The following MEI4 variants were observed in gnomAD, a reference collection of about 807,000 sequenced individuals.
The protein encoded by MEI4 is meiotic double-stranded break formation protein 4.
Under a neutral mutation model 31.4 loss-of-function variants are expected in MEI4, and 27 were observed. That is an observed-to-expected ratio of 0.86 (90% CI 0.63 to 1.19). The LOEUF is 1.19. Among genes scored for constraint, MEI4 ranks in the 50% most tolerant of loss-of-function variants. The pLI, the probability that MEI4 is intolerant of heterozygous loss-of-function variation, is 0.00. For synonymous variants in MEI4, 122 were observed against 145.4 expected (o/e 0.84, Z 1.16); for missense variants, 329 against 398.9 (o/e 0.82, Z 1.49).
At chr6:77,740,665 A>C (rs1482623903) in intron 2 of MEI4, among the ~76,000 whole-genome samples, 1 of 152,140 alleles carries the variant, frequency 6.6e-6, no homozygotes, top group Non-Finnish European at 1.5e-5. Flanking sequence ...TATTAATGCT[A>C]GGAAATCATA....
intron 3 of MEI4, among the ~76,000 whole-genome samples, chr6:77,792,128 C>CT (rs768993345): frequency 1.3e-5 from 2 of 151,986 alleles, no homozygotes; most frequent in African/African-American, 4.8e-5. Flanking sequence ...GGATTTTGTT[C>CT]TTTTTTAAAG....
intron 2 of MEI4, among the ~76,000 whole-genome samples, chr6:77,731,576 G>A (rs1766993544): frequency 6.6e-6 from 1 of 151,086 alleles, no homozygotes; most frequent in Non-Finnish European, 1.5e-5. Context: ...CATTTTGTAG[G>A]TTGCCTGTTC....
chr6:77,761,871 C>G (rs1256679245), intron 3 of MEI4, among the ~76,000 whole-genome samples: 1 of 152,134 alleles, frequency 6.6e-6, no homozygotes, highest in Admixed American at 6.6e-5. Flanking sequence ...TGCATAGATG[C>G]CTTTGCTTCA....
intron 4 of MEI4, among the ~76,000 whole-genome samples, chr6:77,839,312 G>A (rs1770300550): frequency 6.6e-6 from 1 of 152,106 alleles, no homozygotes; most frequent in South Asian, 2.1e-4. Context: ...AGAAAAAGTA[G>A]GTAAAGAGAC....
At chr6:77,840,753 A>T (rs114043542) in intron 4 of MEI4, among the ~76,000 whole-genome samples, 1 of 152,082 alleles carries the variant, frequency 6.6e-6, no homozygotes. Flanking sequence ...TTACCCATCT[A>T]TTTCTTTTTA....
At chr6:77,703,893 A>G (rs1766275418) in intron 2 of MEI4, among the ~76,000 whole-genome samples, 1 of 152,162 alleles carries the variant, frequency 6.6e-6, no homozygotes, top group African/African-American at 2.4e-5. Flanking sequence ...TCCGAGAACC[A>G]CTATTTGACT....
intron 4 of MEI4, among the ~76,000 whole-genome samples, chr6:77,867,254 T>C (rs111749949): frequency 4.9e-4 from 74 of 152,232 alleles, no homozygotes; most frequent in African/African-American, 1.4e-3. Flanking sequence ...AGCTTCTGCA[T>C]AGCAAAAGAA....
chr6:77,803,920 G>C (rs1378408597), intron 3 of MEI4, among the ~76,000 whole-genome samples: 1 of 152,166 alleles, frequency 6.6e-6, no homozygotes, highest in African/African-American at 2.4e-5. Context: ...TCAGGGGTCA[G>C]GGACCCACTT....
At chr6:77,850,855 C>T (rs1582213846) in intron 4 of MEI4, among the ~76,000 whole-genome samples, 1 of 152,072 alleles carries the variant, frequency 6.6e-6, no homozygotes. Flanking sequence ...AGGCAACCTA[C>T]AGAATGGGAG....
chr6:77,716,985 C>T (rs992301732), intron 2 of MEI4: 7 of 224,050 alleles, frequency 3.1e-5, no homozygotes, highest in Admixed American at 6.6e-5. Context: ...GGGTGTTTCT[C>T]GTAAGGTGGG....
chr6:77,773,222 C>G (rs1021338870), intron 3 of MEI4, among the ~76,000 whole-genome samples: 1 of 151,754 alleles, frequency 6.6e-6, no homozygotes, highest in Non-Finnish European at 1.5e-5. Context: ...CACAAAAGAC[C>G]CAGAATAGCC....
At chr6:77,879,576 G>T (rs1771428656) in intron 4 of MEI4, among the ~76,000 whole-genome samples, 2 of 152,158 alleles carry the variant, frequency 1.3e-5, no homozygotes, top group Admixed American at 1.3e-4. Flanking sequence ...ATGGCAAACA[G>T]CATACTTTTC....
chr6:77,764,246 A>G (rs1283182899), intron 3 of MEI4, among the ~76,000 whole-genome samples: 2 of 152,132 alleles, frequency 1.3e-5, no homozygotes, highest in Non-Finnish European at 2.9e-5. Flanking sequence ...AGTCATCCAG[A>G]TTGTTGGCAT....
intron 1 of MEI4, among the ~76,000 whole-genome samples, chr6:77,684,341 G>A (rs1562204919): frequency 6.6e-6 from 1 of 152,050 alleles, no homozygotes; most frequent in Non-Finnish European, 1.5e-5. Flanking sequence ...CCACATTATG[G>A]AGAATGCAGT....
At chr6:77,763,800 G>A (rs9294082) in intron 3 of MEI4, among the ~76,000 whole-genome samples, 3,468 of 151,966 alleles carry the variant, frequency 0.023, 129 homozygotes, top group African/African-American at 0.079. Context: ...CTGTGTAGTC[G>A]TCAGATTATT....
At chr6:77,731,675 T>C (rs1416879427) in intron 2 of MEI4, among the ~76,000 whole-genome samples, 1 of 151,338 alleles carries the variant, frequency 6.6e-6, no homozygotes, top group Non-Finnish European at 1.5e-5. Context: ...GCCATTGCTT[T>C]TGGTGTTTTA....
At chr6:77,773,594 A>C (rs1768368018) in intron 3 of MEI4, among the ~76,000 whole-genome samples, 1 of 152,114 alleles carries the variant, frequency 6.6e-6, no homozygotes, top group Non-Finnish European at 1.5e-5. Context: ...ACTTTCCAGC[A>C]CATTGGTCTG....
chr6:77,734,009 C>G (rs578057570), intron 2 of MEI4, among the ~76,000 whole-genome samples: 1 of 152,004 alleles, frequency 6.6e-6, no homozygotes, highest in African/African-American at 2.4e-5. Flanking sequence ...GTTATAATTT[C>G]TTTTCTTTTA....
At chr6:77,842,886 A>G (rs2127715435) in intron 4 of MEI4, among the ~76,000 whole-genome samples, 1 of 152,242 alleles carries the variant, frequency 6.6e-6, no homozygotes, top group Middle Eastern at 3.4e-3. Context: ...AGAAATAGGT[A>G]ACCTTGATAG....
Sources: allele counts gnomAD v4.1 joint callset (sites outside exome capture counted in the v4.1 genomes callset), GRCh38; gene constraint gnomAD v4.1.1; transcripts MANE v1.5; gene names NCBI Gene and HGNC (gene_info 2026-07-23, HGNC 2026-07-21).